The following CHMP4B variants were observed in gnomAD, a reference collection of about 807,000 sequenced individuals.
CHMP4B encodes SNF7 homolog associated with Alix 1.
CHMP4B carries 1 observed loss-of-function variant against 25.1 expected under a neutral mutation model. The observed-to-expected ratio is 0.04, with a 90% CI of 0.01 to 0.19. CHMP4B has a LOEUF of 0.19. Ranked by LOEUF, CHMP4B falls within the 10% of genes least tolerant of loss-of-function variation. The pLI is 1.00. For missense variants in CHMP4B, 151 were observed against 289.7 expected (o/e 0.52, Z 3.48); for synonymous variants, 101 against 115.6 (o/e 0.87, Z 0.81).
chr20:33,838,049 G>A (rs1979436195), intron 1 of CHMP4B, among the ~76,000 whole-genome samples: 1 of 152,218 alleles, frequency 6.6e-6, no homozygotes, highest in Non-Finnish European at 1.5e-5. Context: ...TGGCAGAGTT[G>A]GAACTAGAAG....
intron 1 of CHMP4B, among the ~76,000 whole-genome samples, chr20:33,832,899 C>T (rs1208162715): frequency 6.6e-6 from 1 of 151,778 alleles, no homozygotes; most frequent in Non-Finnish European, 1.5e-5. Context: ...TCGCCTCAGC[C>T]TCCCAAATAG....
At chr20:33,843,581 C>A (rs1477310311) in intron 1 of CHMP4B, among the ~76,000 whole-genome samples, 1 of 152,044 alleles carries the variant, frequency 6.6e-6, no homozygotes, top group Non-Finnish European at 1.5e-5. Flanking sequence ...CATTAAGAAC[C>A]AGTATATATT....
chr20:33,840,474 T>A (rs1167992077), intron 1 of CHMP4B, among the ~76,000 whole-genome samples: 2 of 152,204 alleles, frequency 1.3e-5, no homozygotes, highest in African/African-American at 4.8e-5. Context: ...AGATGTGAAA[T>A]AACTTACCTG....
At chr20:33,832,486 G>A (rs1434662585) in intron 1 of CHMP4B, among the ~76,000 whole-genome samples, 1 of 152,184 alleles carries the variant, frequency 6.6e-6, no homozygotes, top group East Asian at 1.9e-4. Flanking sequence ...TAAATGATTT[G>A]CTTTTTAAAA....
chr20:33,813,093 T>G lies in CHMP4B; in HGVS notation c.190+1435T>G, dbSNP rs189228633. Among the ~76,000 whole-genome samples, 171 of 149,904 alleles carry G rather than the reference T, an allele frequency of 1.1e-3. 2 individuals carry two copies. Among genetic ancestry groups the G allele is most frequent in the Admixed American group, 0.011 (166 of 15,024 alleles). On this transcript the variant is annotated intron_variant, in intron 1 of 4. Transcript: ENST00000217402. ...TTGGATAGAATGGTCAGGGAAGGCG[T>G]CTTTGAAAAGGTAAAGTTTGAACTG... is the stretch of plus-strand genomic sequence containing the variant.
At chr20:33,839,207 C>G (rs1194909069) in intron 1 of CHMP4B, among the ~76,000 whole-genome samples, 2 of 152,150 alleles carry the variant, frequency 1.3e-5, no homozygotes, top group African/African-American at 4.8e-5. Context: ...TGTCTTAGGA[C>G]CTGGGAAAAG....
chr20:33,833,581 C>G (rs1449919177), intron 1 of CHMP4B, among the ~76,000 whole-genome samples: 1 of 152,236 alleles, frequency 6.6e-6, no homozygotes, highest in Non-Finnish European at 1.5e-5. Context: ...TTGAATCTTT[C>G]AATGGCTTCC....
chr20:33,849,022 A>G (rs978788830), intron 2 of CHMP4B, among the ~76,000 whole-genome samples: 2 of 152,180 alleles, frequency 1.3e-5, no homozygotes, highest in African/African-American at 4.8e-5. Context: ...ATCGGTGCCC[A>G]TGATTTTTCC....
intron 1 of CHMP4B, among the ~76,000 whole-genome samples, chr20:33,820,823 G>T (rs985886390): frequency 6.6e-6 from 1 of 152,144 alleles, no homozygotes. Flanking sequence ...AACCAGGAAC[G>T]TGGAACTATT....
chr20:33,838,558 G>A (rs530745992), intron 1 of CHMP4B, among the ~76,000 whole-genome samples: 6 of 152,292 alleles, frequency 3.9e-5, no homozygotes, highest in African/African-American at 9.6e-5. Flanking sequence ...ATTAAGACAC[G>A]ACTTAAGACA....
intron 1 of CHMP4B, among the ~76,000 whole-genome samples, chr20:33,836,832 T>A (rs1480063423): frequency 6.6e-6 from 1 of 152,228 alleles, no homozygotes; most frequent in Non-Finnish European, 1.5e-5. Flanking sequence ...AGGGTTCAAC[T>A]TGGATCACTG....
Position 33,811,525 on chromosome 20 carries a change from C to T in CHMP4B, c.57C>T (p.Gly19=). Residue 19 remains glycine (G), a synonymous_variant, in exon 1 of 5, where the codon GGC becomes GGT. Coordinates refer to ENST00000217402, the MANE Select transcript of CHMP4B (RefSeq NM_176812.5). ...GAGGGKAGKG[G]PTPQEAIQRL... ...GAGGGGGTAAGGCCGGCAAGGGCGG[C>T]CCGACCCCCCAGGAGGCCATCCAGC... 1 of 1,607,318 alleles carries T rather than the reference C, an allele frequency of 6.2e-7. No homozygotes were observed. Among genetic ancestry groups the T allele is most frequent in the Non-Finnish European group, 8.5e-7 (1 of 1,177,086 alleles).
chr20:33,818,552 T>C (rs1978844477), intron 1 of CHMP4B, among the ~76,000 whole-genome samples: 1 of 152,250 alleles, frequency 6.6e-6, no homozygotes, highest in Non-Finnish European at 1.5e-5. Context: ...GACTGATATC[T>C]GTCTTTCTAT....
intron 1 of CHMP4B, among the ~76,000 whole-genome samples, chr20:33,841,198 A>T (rs1416813406): frequency 1.3e-5 from 2 of 151,966 alleles, no homozygotes; most frequent in Non-Finnish European, 2.9e-5. Context: ...TGAGTACTGT[A>T]CTCCCTATGT....
chr20:33,833,491 A>G (rs1979310327), intron 1 of CHMP4B, among the ~76,000 whole-genome samples: 1 of 152,074 alleles, frequency 6.6e-6, no homozygotes, highest in South Asian at 2.1e-4. Context: ...GGATTATTGC[A>G]GTGGTTGCCA....
Position 33,853,773 on chromosome 20 carries a change from G to GGGGGGGGGGGGAA in CHMP4B, c.*213_*214insGGGGGGGGGGGAA. 4.0e-5 allele frequency: 1 copy of GGGGGGGGGGGGAA among 25,270 alleles called. No homozygotes were observed. The allele number at this position is 25,270 out of a possible 1,614,324, so 1.6% of individuals were successfully genotyped here. Reference sequence around the variant, plus strand: ...GGGGGGAGGGGGGCGGGCGGGGTGGGAAGTGCCTGCTGTTTATAATGTTGA... The same window carrying GGGGGGGGGGGGAA: ...GGGGGGAGGGGGGCGGGCGGGGTGGGGGGGGGGGGGGAAAAGTGCCTGCTGTTTATAATGTTGA... On this transcript the variant is annotated 3_prime_UTR_variant, in exon 5 of 5. Coordinates refer to ENST00000217402, the MANE Select transcript of CHMP4B (RefSeq NM_176812.5).
At chr20:33,826,961 G>A (rs1333619273) in intron 1 of CHMP4B, among the ~76,000 whole-genome samples, 1 of 152,190 alleles carries the variant, frequency 6.6e-6, no homozygotes, top group East Asian at 1.9e-4. Flanking sequence ...TGGTTTAAGA[G>A]AAAGCTAGTT....
intron 1 of CHMP4B, among the ~76,000 whole-genome samples, chr20:33,831,796 G>A (rs758128714): frequency 6.6e-6 from 1 of 152,164 alleles, no homozygotes; most frequent in Non-Finnish European, 1.5e-5. Flanking sequence ...AGGGAAGATC[G>A]GATAACAAAC....
rs567906169 is a variant in CHMP4B at position 33,846,532 on chromosome 20, G to A, written c.191-1935G>A. Among the ~76,000 whole-genome samples, 49 of 152,300 alleles carry A rather than the reference G, an allele frequency of 3.2e-4. 2 individuals are homozygous for A. In the South Asian group the frequency reaches 9.7e-3, roughly 30 times the overall value. ...TTTATGTGTGTATGTATGTATTTTG[G>A]TCAGCATTTGTTGGAAAGACTGGCT... On this transcript the variant is annotated intron_variant, in intron 1 of 4. Transcript: ENST00000217402.
Sources: allele counts gnomAD v4.1 joint callset (sites outside exome capture counted in the v4.1 genomes callset), GRCh38; gene constraint gnomAD v4.1.1; transcripts MANE v1.5; gene names NCBI Gene and HGNC (gene_info 2026-07-23, HGNC 2026-07-21).